Variants in ZDHHC14 observed in about 807,000 individuals in gnomAD.
ZDHHC14 encodes zDHHC palmitoyltransferase 14, also known as palmitoyltransferase ZDHHC14.
ZDHHC14 carries 16 observed loss-of-function variants against 47.7 expected under a neutral mutation model. The observed-to-expected ratio is 0.34, with a 90% CI of 0.23 to 0.51. ZDHHC14 has a LOEUF of 0.51. Among genes scored for constraint, ZDHHC14 ranks in the 20% least tolerant of loss-of-function variants. The pLI is 0.97. For missense variants in ZDHHC14, 515 were observed against 662.5 expected (o/e 0.78, Z 2.44); for synonymous variants, 293 against 278.9 (o/e 1.05, Z -0.50).
intron 1 of ZDHHC14, among the ~76,000 whole-genome samples, chr6:157,540,884 A>ATGTGTGTGTGTGTGTT (rs761747961): frequency 8.5e-6 from 1 of 117,708 alleles, no homozygotes; most frequent in East Asian, 2.2e-4. Context: ...ATATATATGT[A>ATGTGTGTGTGTGTGTT]TGTATGTGTG....
chr6:157,420,890 G>C (rs780234180), intron 1 of ZDHHC14, among the ~76,000 whole-genome samples: 1 of 152,134 alleles, frequency 6.6e-6, no homozygotes. Flanking sequence ...AGCCCTGTGC[G>C]GTAGGCCTCA....
chr6:157,616,066 C>T (rs1187932250), intron 3 of ZDHHC14, among the ~76,000 whole-genome samples: 1 of 152,152 alleles, frequency 6.6e-6, no homozygotes, highest in East Asian at 1.9e-4. Context: ...TTAGGAACCA[C>T]CCAGAGACTT....
intron 1 of ZDHHC14, among the ~76,000 whole-genome samples, chr6:157,489,886 C>T (rs1202382491): frequency 6.6e-6 from 1 of 152,156 alleles, no homozygotes; most frequent in Non-Finnish European, 1.5e-5. Flanking sequence ...GCATTAGAAG[C>T]TCGCTCTGGC....
chr6:157,487,502 A>C (rs1779810294), intron 1 of ZDHHC14, among the ~76,000 whole-genome samples: 1 of 152,252 alleles, frequency 6.6e-6, no homozygotes, highest in African/African-American at 2.4e-5. Context: ...CTTGGTGAGC[A>C]TTATGCCATT....
At chr6:157,519,141 T>C (rs371800314) in intron 1 of ZDHHC14, among the ~76,000 whole-genome samples, 2,541 of 152,332 alleles carry the variant, frequency 0.017, 82 homozygotes, top group African/African-American at 0.058. Context: ...TTCAGGTTTT[T>C]CCTGATGTAC....
At chr6:157,495,695 ATTTTTTTT>A (rs71027341) in intron 1 of ZDHHC14, among the ~76,000 whole-genome samples, 16,430 of 104,484 alleles carry the variant, frequency 0.16, 1,605 homozygotes, top group African/African-American at 0.34. Flanking sequence ...TTCGGGTTGA[ATTTTTTTT>A]TTTTTTTTTT....
Position 157,676,397 on chromosome 6 carries a change from CTT to C in ZDHHC14, c.*3277_*3278del, listed in dbSNP as rs1273266806. 2.6e-5 allele frequency: 4 copies of C among 152,576 alleles called. No individual in the cohort carries two copies. The highest frequency in any genetic ancestry group is 3.9e-4 in the East Asian group (2 of 5,192). The allele number at this position is 152,576 out of a possible 1,614,324, so 9.5% of individuals were successfully genotyped here. On this transcript the variant is annotated 3_prime_UTR_variant, in exon 9 of 9. Coordinates refer to ENST00000359775, the MANE Select transcript of ZDHHC14 (RefSeq NM_024630.3). ...GCCCAGAATGGCACAAGGGAGGAGT[CTT>C]TGCAGAGTTCCACGCCACCCCCCAG...
intron 8 of ZDHHC14, among the ~76,000 whole-genome samples, chr6:157,657,392 T>C (rs1376519080): frequency 6.6e-6 from 1 of 152,162 alleles, no homozygotes; most frequent in Non-Finnish European, 1.5e-5. Flanking sequence ...CCAGAGAGCT[T>C]CCAGGGGAAG....
At chr6:157,473,318 T>C (rs1432684689) in intron 1 of ZDHHC14, among the ~76,000 whole-genome samples, 3 of 152,204 alleles carry the variant, frequency 2.0e-5, no homozygotes, top group Non-Finnish European at 4.4e-5. Context: ...TTCCCCAGAC[T>C]CCCTCCCTGA....
At position 157,545,652 on chromosome 6, in the gene ZDHHC14, C is replaced by A. The variant is rs111267452; in HGVS notation, c.406+2907C>A. ...TCACGCCACTGCACACCAGCCTGGGCGACAGGGGAGACTCCCCCTAAAAAA... is the reference window on the plus strand; with the variant it reads ...TCACGCCACTGCACACCAGCCTGGGAGACAGGGGAGACTCCCCCTAAAAAA... On this transcript the variant is annotated intron_variant, in intron 2 of 8. Transcript: ENST00000359775. 2.0e-4 allele frequency among the ~76,000 whole-genome samples: 30 copies of A among 149,656 alleles called. 1 individual carries two copies. The highest frequency in any genetic ancestry group is 7.4e-4 in the African/African-American group (30 of 40,506).
chr6:157,513,014 A>T (rs190767322), intron 1 of ZDHHC14, among the ~76,000 whole-genome samples: 168 of 152,356 alleles, frequency 1.1e-3, no homozygotes, highest in African/African-American at 3.8e-3. Context: ...TGAAAAAGGC[A>T]TGTGTATCAC....
intron 1 of ZDHHC14, among the ~76,000 whole-genome samples, chr6:157,456,255 TG>T (rs1387935729): frequency 6.6e-6 from 1 of 152,176 alleles, no homozygotes; most frequent in Admixed American, 6.5e-5. Flanking sequence ...GTTCCAGTGA[TG>T]TGTCCTGTTA....
intron 1 of ZDHHC14, among the ~76,000 whole-genome samples, chr6:157,504,598 A>T (rs1378167446): frequency 1.2e-4 from 17 of 144,822 alleles, no homozygotes; most frequent in African/African-American, 4.2e-4. Flanking sequence ...TTTAGTAGAG[A>T]TGGGGTTTCA....
chr6:157,394,692 G>A (rs536765789), intron 1 of ZDHHC14, among the ~76,000 whole-genome samples: 8 of 152,284 alleles, frequency 5.3e-5, no homozygotes, highest in South Asian at 4.2e-4. Context: ...TTCCTGCGGC[G>A]CTCTGCCTAA....
chr6:157,382,635 G>C (rs1025642074), intron 1 of ZDHHC14, among the ~76,000 whole-genome samples: 1 of 152,168 alleles, frequency 6.6e-6, no homozygotes, highest in South Asian at 2.1e-4. Context: ...GCCGTGGGAA[G>C]GTGGGGTGCG....
At chr6:157,645,542 C>G (rs572752257) in intron 5 of ZDHHC14, among the ~76,000 whole-genome samples, 195 bp from the exon 6 acceptor site, 1 of 152,170 alleles carries the variant, frequency 6.6e-6, no homozygotes, top group African/African-American at 2.4e-5. Flanking sequence ...GCAGGTGACA[C>G]CCCCTGCCCT....
At chr6:157,622,393 A>T (rs1490676127) in intron 3 of ZDHHC14, among the ~76,000 whole-genome samples, 1 of 152,164 alleles carries the variant, frequency 6.6e-6, no homozygotes, top group Non-Finnish European at 1.5e-5. Context: ...TCCATTTCAA[A>T]ATATAAATAA....
chr6:157,507,385 G>A (rs1780352712), intron 1 of ZDHHC14, among the ~76,000 whole-genome samples: 2 of 151,360 alleles, frequency 1.3e-5, no homozygotes, highest in Admixed American at 1.3e-4. Flanking sequence ...CCAGGTTCAA[G>A]CAATTCTCAT....
chr6:157,451,811 C>T (rs1778810307), intron 1 of ZDHHC14, among the ~76,000 whole-genome samples: 1 of 152,210 alleles, frequency 6.6e-6, no homozygotes, highest in Non-Finnish European at 1.5e-5. Context: ...CCACCCACCT[C>T]AGCCTCCCAA....
Sources: gnomAD v4.1 joint callset for allele counts (sites outside exome capture counted in the v4.1 genomes callset) on GRCh38, gnomAD v4.1.1 for gene constraint, MANE v1.5 for transcripts, NCBI Gene and HGNC (gene_info 2026-07-23, HGNC 2026-07-21) for gene names.